The following FOXN3 variants were observed in gnomAD, a reference collection of about 807,000 sequenced individuals.
FOXN3 encodes forkhead box protein N3.
Under a neutral mutation model 38.4 loss-of-function variants are expected in FOXN3, and 7 were observed. The ratio of observed to expected loss-of-function variants is 0.18; its 90% CI spans 0.10 to 0.34. The LOEUF (loss-of-function observed/expected upper bound fraction) is 0.34, where lower values mean the gene tolerates loss of function less well. Among genes scored for constraint, FOXN3 ranks in the 10% least tolerant of loss-of-function variants. The pLI, the probability that FOXN3 is intolerant of heterozygous loss-of-function variation, is 1.00. For missense variants in FOXN3, 456 were observed against 613.4 expected (o/e 0.74, Z 2.71); for synonymous variants, 230 against 242.2 (o/e 0.95, Z 0.47).
intron 1 of FOXN3, among the ~76,000 whole-genome samples, chr14:89,549,561 A>G (rs1894959477): frequency 6.6e-6 from 1 of 151,892 alleles, no homozygotes; most frequent in Admixed American, 6.6e-5. Flanking sequence ...CCCCCAAAAC[A>G]GAAGCACCAC....
At chr14:89,451,488 G>A (rs1166627070) in intron 1 of FOXN3, among the ~76,000 whole-genome samples, 3 of 152,180 alleles carry the variant, frequency 2.0e-5, no homozygotes, top group East Asian at 1.9e-4. Flanking sequence ...AATTTACCAA[G>A]GCTTTCCTGA....
At chr14:89,469,845 G>A (rs145430865) in intron 1 of FOXN3, among the ~76,000 whole-genome samples, 6 of 152,354 alleles carry the variant, frequency 3.9e-5, no homozygotes, top group South Asian at 4.1e-4. Flanking sequence ...GTACACGTCC[G>A]TGCTTTGAAA....
At chr14:89,454,682 G>T (rs1892684662) in intron 1 of FOXN3, among the ~76,000 whole-genome samples, 1 of 152,188 alleles carries the variant, frequency 6.6e-6, no homozygotes, top group Non-Finnish European at 1.5e-5. Flanking sequence ...GCTTTTAAAA[G>T]AACGAGGTAA....
rs1223526368 is a variant in FOXN3, at chr14:89,369,560, T to TAA, written c.544-18754_544-18753dup. ...AAGACTGGGTAATTTTTTTTTTTTT[T>TAA]AAAAAAGAGGTTTAATGGACTCACA... On this transcript the variant is annotated intron_variant, in intron 2 of 5. Transcript: ENST00000557258. 2.3e-3 allele frequency among the ~76,000 whole-genome samples: 346 copies of TAA among 150,640 alleles called. 2 individuals are homozygous for TAA. The highest frequency in any genetic ancestry group is 4.2e-3 in the Admixed American group (64 of 15,184).
At chr14:89,325,392 C>T (rs1322209631) in intron 3 of FOXN3, among the ~76,000 whole-genome samples, 3 of 151,182 alleles carry the variant, frequency 2.0e-5, no homozygotes, top group Admixed American at 6.6e-5. Context: ...CCATCACCAC[C>T]ACCATTATCA....
intron 1 of FOXN3, among the ~76,000 whole-genome samples, chr14:89,535,551 T>G (rs1463142579): frequency 1.3e-5 from 2 of 152,156 alleles, no homozygotes; most frequent in East Asian, 3.8e-4. Context: ...GAAAATACAG[T>G]GAATAAACTT....
intron 1 of FOXN3, among the ~76,000 whole-genome samples, chr14:89,443,506 G>T (rs775115123): frequency 6.6e-6 from 1 of 152,148 alleles, no homozygotes; most frequent in African/African-American, 2.4e-5. Context: ...TTCAAAAAAG[G>T]AAAAATACAA....
chr14:89,487,929 C>T (rs1330620646), intron 1 of FOXN3, among the ~76,000 whole-genome samples: 2 of 152,050 alleles, frequency 1.3e-5, no homozygotes, highest in African/African-American at 4.8e-5. Flanking sequence ...ACAACAAAAA[C>T]CAGACAGCAA....
chr14:89,574,111 G>A (rs1244990074), intron 1 of FOXN3, among the ~76,000 whole-genome samples: 2 of 152,186 alleles, frequency 1.3e-5, no homozygotes, highest in African/African-American at 4.8e-5. Flanking sequence ...AGGAGGCAAA[G>A]GGAATTATCT....
chr14:89,476,884 T>C (rs930009454), intron 1 of FOXN3, among the ~76,000 whole-genome samples: 1 of 152,014 alleles, frequency 6.6e-6, no homozygotes, highest in African/African-American at 2.4e-5. Flanking sequence ...AGACCTGCAG[T>C]GAATGGTAGT....
At chr14:89,499,118 T>A (rs1484546344) in intron 1 of FOXN3, among the ~76,000 whole-genome samples, 2 of 152,078 alleles carry the variant, frequency 1.3e-5, no homozygotes, top group African/African-American at 4.8e-5. Flanking sequence ...TCCTAATCCT[T>A]GCATTTACAT....
chr14:89,221,386 C>A (rs57520723), intron 4 of FOXN3, among the ~76,000 whole-genome samples: 29,276 of 152,108 alleles, frequency 0.19, 2,854 homozygotes, highest in East Asian at 0.32. Context: ...AAGCCACCTT[C>A]TTTTCTTTCT....
At chr14:89,211,588 G>C (rs1160230581) in intron 4 of FOXN3, among the ~76,000 whole-genome samples, 1 of 152,218 alleles carries the variant, frequency 6.6e-6, no homozygotes, top group East Asian at 1.9e-4. Flanking sequence ...CCTGCAGAAA[G>C]TACATGTAGA....
chr14:89,301,105 A>C (rs936036886), intron 3 of FOXN3, among the ~76,000 whole-genome samples: 58 of 152,136 alleles, frequency 3.8e-4, no homozygotes, highest in African/African-American at 1.4e-3. Context: ...ACCCAGCCTC[A>C]GATGTTTATT....
At chr14:89,268,477 G>C (rs934260173) in intron 4 of FOXN3, among the ~76,000 whole-genome samples, 97 of 152,278 alleles carry the variant, frequency 6.4e-4, no homozygotes, top group African/African-American at 2.2e-3. Context: ...TATTCATCAT[G>C]ACTCTCGACT....
chr14:89,408,354 C>T (rs964669902), intron 2 of FOXN3, among the ~76,000 whole-genome samples: 3 of 151,818 alleles, frequency 2.0e-5, no homozygotes, highest in African/African-American at 7.3e-5. Context: ...ACCTCCCGGG[C>T]TCACACCATC....
rs147367435 is a variant in FOXN3, at chr14:89,580,069, T to A, written c.-15+38959A>T. ...AGGTAACTGAAGGCAAAGCCAGAAT[T>A]TGAACCTGAATCCATTTGACTCCAT... is the stretch of plus-strand genomic sequence containing the variant. On this transcript the variant is annotated intron_variant, in intron 1 of 6. Transcript: ENST00000345097. Among the ~76,000 whole-genome samples, 158 of 152,286 alleles carry A rather than the reference T, an allele frequency of 1.0e-3. 3 individuals are homozygous for A. The highest frequency in any genetic ancestry group is 9.8e-3 in the East Asian group (51 of 5,184).
At chr14:89,609,447 C>A (rs940679688) in intron 1 of FOXN3, among the ~76,000 whole-genome samples, 3 of 152,156 alleles carry the variant, frequency 2.0e-5, no homozygotes, top group Non-Finnish European at 4.4e-5. Flanking sequence ...ACAAGGAACA[C>A]AACAACATTG....
At chr14:89,249,034 C>T (rs1329079617) in intron 4 of FOXN3, among the ~76,000 whole-genome samples, 3 of 152,172 alleles carry the variant, frequency 2.0e-5, no homozygotes, top group Non-Finnish European at 4.4e-5. Context: ...TACTTGAATG[C>T]CAAACATCAT....
Sources: allele counts gnomAD v4.1 joint callset (sites outside exome capture counted in the v4.1 genomes callset), GRCh38; gene constraint gnomAD v4.1.1; transcripts MANE v1.5; gene names NCBI Gene and HGNC (gene_info 2026-07-23, HGNC 2026-07-21).